Variants in SMYD3 observed in about 807,000 individuals in gnomAD.
SMYD3 encodes SET and MYND domain containing 3.
SMYD3 carries 36 observed loss-of-function variants against 57.7 expected under a neutral mutation model. That is an observed-to-expected ratio of 0.62 (90% CI 0.48 to 0.82). SMYD3 has a LOEUF of 0.82. SMYD3 is among the 40% of genes least tolerant of loss of function. SMYD3 has a pLI of 0.00. For synonymous variants in SMYD3, 211 were observed against 195.0 expected (o/e 1.08, Z -0.68); for missense variants, 515 against 538.8 (o/e 0.96, Z 0.44).
intron 8 of SMYD3, among the ~76,000 whole-genome samples, chr1:245,906,266 G>A (rs1397940645): frequency 6.6e-6 from 1 of 152,118 alleles, no homozygotes; most frequent in Non-Finnish European, 1.5e-5. Context: ...TTAATCACCA[G>A]AATATACAAA....
intron 10 of SMYD3, among the ~76,000 whole-genome samples, chr1:245,849,375 C>T (rs148386007): frequency 3.0e-4 from 45 of 152,142 alleles, no homozygotes; most frequent in African/African-American, 7.7e-4. Context: ...TATTTTACAC[C>T]GTGCTTTAAG....
intron 5 of SMYD3, among the ~76,000 whole-genome samples, chr1:246,180,211 T>C (rs1308048838): frequency 1.4e-5 from 2 of 147,360 alleles, no homozygotes; most frequent in Admixed American, 1.4e-4. Context: ...TATACACATA[T>C]ATTAGAAAAT....
chr1:246,088,174 C>G (rs928427335), intron 5 of SMYD3, among the ~76,000 whole-genome samples: 3 of 152,124 alleles, frequency 2.0e-5, no homozygotes, highest in African/African-American at 7.2e-5. Context: ...AAGCTCAGAA[C>G]TGTCACGGAA....
chr1:245,757,371 G>T (rs573541887), intron 11 of SMYD3, among the ~76,000 whole-genome samples: 1 of 151,936 alleles, frequency 6.6e-6, no homozygotes, highest in South Asian at 2.1e-4. Flanking sequence ...CCCATTCTAT[G>T]GGTTGCTTTT....
intron 8 of SMYD3, among the ~76,000 whole-genome samples, chr1:245,879,267 T>G (rs1174146923): frequency 6.6e-6 from 1 of 152,140 alleles, no homozygotes; most frequent in Non-Finnish European, 1.5e-5. Context: ...CATTTCCCAA[T>G]AGGACTAGAT....
chr1:245,847,164 A>G (rs1250771161), intron 10 of SMYD3, among the ~76,000 whole-genome samples: 3 of 152,236 alleles, frequency 2.0e-5, no homozygotes, highest in African/African-American at 7.2e-5. Flanking sequence ...CAAGAGCTTT[A>G]TACTAACCAG....
chr1:245,982,818 A>G (rs1572842390), intron 5 of SMYD3, among the ~76,000 whole-genome samples: 1 of 152,194 alleles, frequency 6.6e-6, no homozygotes, highest in African/African-American at 2.4e-5. Context: ...TAGAGGTAGG[A>G]TTTCCTTATT....
At chr1:246,017,662 C>T (rs2059400723) in intron 5 of SMYD3, among the ~76,000 whole-genome samples, 1 of 152,138 alleles carries the variant, frequency 6.6e-6, no homozygotes, top group African/African-American at 2.4e-5. Context: ...ATTTTGATCA[C>T]TAGGTTAAAG....
intron 5 of SMYD3, among the ~76,000 whole-genome samples, chr1:246,039,993 G>A (rs971488598): frequency 6.6e-6 from 1 of 152,160 alleles, no homozygotes; most frequent in Non-Finnish European, 1.5e-5. Context: ...TTGTCTTAGC[G>A]TAAGTTACAG....
intron 1 of SMYD3, among the ~76,000 whole-genome samples, chr1:246,428,244 A>G (rs1415680291): frequency 6.6e-6 from 1 of 152,206 alleles, no homozygotes; most frequent in Non-Finnish European, 1.5e-5. Flanking sequence ...TACTGTGTAA[A>G]GTATGCAGTG....
intron 5 of SMYD3, among the ~76,000 whole-genome samples, chr1:246,214,091 G>C (rs1295920913): frequency 6.6e-6 from 1 of 152,140 alleles, no homozygotes; most frequent in African/African-American, 2.4e-5. Flanking sequence ...CTTAATGTTT[G>C]CATCTGTTTG....
chr1:246,092,894 C>T (rs71638315), intron 5 of SMYD3, among the ~76,000 whole-genome samples: 10,331 of 151,534 alleles, frequency 0.068, 407 homozygotes, highest in African/African-American at 0.08. Context: ...AGGAACTCAA[C>T]TCAATAGCAA....
chr1:246,029,995 T>C (rs1027006189), intron 5 of SMYD3, among the ~76,000 whole-genome samples: 5 of 142,698 alleles, frequency 3.5e-5, no homozygotes, highest in Non-Finnish European at 7.4e-5. Flanking sequence ...CTGGGTTTCC[T>C]TTCTTTCTTT....
At chr1:246,119,166 G>A (rs758259700) in intron 5 of SMYD3, among the ~76,000 whole-genome samples, 7 of 151,944 alleles carry the variant, frequency 4.6e-5, no homozygotes, top group Non-Finnish European at 7.4e-5. Context: ...GACTACAAAC[G>A]CATGCCAACA....
At chr1:245,942,050 C>G (rs2057264918) in intron 5 of SMYD3, among the ~76,000 whole-genome samples, 1 of 152,198 alleles carries the variant, frequency 6.6e-6, no homozygotes. Context: ...ACCGATGACA[C>G]TATGAAGCAG....
At chr1:245,986,508 T>G (rs1395077595) in intron 5 of SMYD3, among the ~76,000 whole-genome samples, 1 of 152,240 alleles carries the variant, frequency 6.6e-6, no homozygotes, top group African/African-American at 2.4e-5. Context: ...GCCCAGCTGC[T>G]TTTATACTAT....
chr1:245,771,572 G>C (rs1230737465), intron 10 of SMYD3, among the ~76,000 whole-genome samples: 1 of 152,116 alleles, frequency 6.6e-6, no homozygotes, highest in Non-Finnish European at 1.5e-5. Context: ...ACATAGACTT[G>C]ATAGCTAGAA....
intron 1 of SMYD3, among the ~76,000 whole-genome samples, chr1:246,454,021 T>C (rs1489709201): frequency 1.3e-5 from 2 of 152,124 alleles, no homozygotes; most frequent in East Asian, 3.8e-4. Flanking sequence ...CAAATCAGAT[T>C]AGGTAATACG....
chr1:245,971,737 T>G (rs1174117904), intron 5 of SMYD3, among the ~76,000 whole-genome samples: 2 of 152,208 alleles, frequency 1.3e-5, no homozygotes, highest in African/African-American at 4.8e-5. Context: ...TGGGTTTATT[T>G]TTTTAAAAAT....
Sources: allele counts gnomAD v4.1 joint callset (sites outside exome capture counted in the v4.1 genomes callset), GRCh38; gene constraint gnomAD v4.1.1; transcripts MANE v1.5; gene names NCBI Gene and HGNC (gene_info 2026-07-23, HGNC 2026-07-21).